The following PCDHGB3 variants were observed in gnomAD, a reference collection of about 807,000 sequenced individuals.
PCDHGB3 encodes protocadherin gamma subfamily B, 3.
PCDHGB3 carries 40 observed loss-of-function variants against 59.2 expected under a neutral mutation model. The observed-to-expected ratio is 0.68, with a 90% CI of 0.52 to 0.88. PCDHGB3 has a LOEUF of 0.88. Ranked by LOEUF, PCDHGB3 falls within the 40% of genes least tolerant of loss-of-function variation. PCDHGB3 has a pLI of 0.00. For synonymous variants in PCDHGB3, 581 were observed against 503.6 expected, an observed-to-expected ratio of 1.15 and a Z score of -2.06; for missense variants, 1,309 against 1,187.9, an observed-to-expected ratio of 1.10 and a Z score of -1.50.
rs779686795 is a variant in PCDHGB3, at chr5:141,476,566, G to A, written c.2416-18241G>A. On this transcript the variant is annotated intron_variant, in intron 1 of 3. Coordinates refer to ENST00000576222, the MANE Select transcript of PCDHGB3 (RefSeq NM_018924.5). The surrounding 1 kb of genome is among the most constrained non-coding windows in gnomAD (Gnocchi z 7.6). ...TGGAGATTAGCGAGGCCGTGGCTCC[G>A]GGGACGCGCTTTCCGCTCGAGAGCG... The A allele has an allele frequency of 1.2e-6, 2 of 1,614,062 alleles. No homozygotes were observed. Among genetic ancestry groups the A allele is most frequent in the East Asian group, 2.2e-5 (1 of 44,872 alleles).
At chr5:141,421,564 G>T (rs2096583836) in intron 1 of PCDHGB3, 2 of 1,613,864 alleles carry the variant, frequency 1.2e-6, no homozygotes, top group Admixed American at 3.3e-5. Flanking sequence ...TCTCGTGGAA[G>T]ACACCTTGAA....
In PCDHGB3 at chr5:141,511,829, G is replaced by A. The variant is rs1181369164; in HGVS notation, c.*656G>A. 1 of 156,774 alleles carries A rather than the reference G, an allele frequency of 6.4e-6. No individual in the cohort carries two copies. Among genetic ancestry groups the A allele is most frequent in the Non-Finnish European group, 1.4e-5 (1 of 70,652 alleles). The allele number at this position is 156,774 out of a possible 1,614,324, so 9.7% of individuals were successfully genotyped here. Reference sequence around the variant, plus strand: ...TACCAAGCCTCTTCCCAACGCCCTGGGGACCAGTCTTCTGTTTTGTTTTTC... The same window carrying A: ...TACCAAGCCTCTTCCCAACGCCCTGAGGACCAGTCTTCTGTTTTGTTTTTC... On this transcript the variant is annotated 3_prime_UTR_variant, in exon 4 of 4. Transcript: ENST00000576222.
rs868008554 is a variant in PCDHGB3, at chr5:141,431,417, C to T, written c.2415+58608C>T. 1 of 1,613,666 alleles carries T rather than the reference C, an allele frequency of 6.2e-7. No homozygotes were observed. Among genetic ancestry groups the T allele is most frequent in the South Asian group, 1.1e-5 (1 of 91,082 alleles). ...CCTTACGGCCTCCGACGGGGGCGAC[C>T]CGGTGCGCACAGGCACCGCGCGCAT... On this transcript the variant is annotated intron_variant, in intron 1 of 3. Transcript: ENST00000576222. This position sits in a 1 kb window ranked among gnomAD's most constrained non-coding sequence, Gnocchi z 4.8.
At chr5:141,389,635 A>G in intron 1 of PCDHGB3, 1 of 1,612,978 alleles carries the variant, frequency 6.2e-7, no homozygotes, top group Non-Finnish European at 8.5e-7. Flanking sequence ...GAGCCTGGCT[A>G]CTTGGTGACC....
chr5:141,384,953 A>G, intron 1 of PCDHGB3: 1 of 1,613,944 alleles, frequency 6.2e-7, no homozygotes, highest in Non-Finnish European at 8.5e-7. Context: ...GACGGTCCTT[A>G]CAACTATGAC....
chr5:141,436,080 T>C (rs755968267), intron 1 of PCDHGB3, among the ~76,000 whole-genome samples: 1 of 152,204 alleles, frequency 6.6e-6, no homozygotes, highest in Admixed American at 6.5e-5. Context: ...CAGTGTTCTA[T>C]AGGTAATATT....
At chr5:141,375,833 C>T (rs1269856662) in intron 1 of PCDHGB3, 2 of 1,614,034 alleles carry the variant, frequency 1.2e-6, no homozygotes, top group Non-Finnish European at 1.7e-6. Flanking sequence ...CTCCGCAGAG[C>T]CCGGCTACCT....
chr5:141,494,775 A>G (rs1202233200), intron 1 of PCDHGB3, 32 bp from the exon 2 acceptor site: 1 of 1,613,580 alleles, frequency 6.2e-7, no homozygotes. Flanking sequence ...TCTCACGGGT[A>G]CTCAGCCCCT....
At chr5:141,422,202 T>C (rs1272540004) in intron 1 of PCDHGB3, 1 of 1,561,656 alleles carries the variant, frequency 6.4e-7, no homozygotes, top group Admixed American at 2.0e-5. Flanking sequence ...GCCAAGATGG[T>C]GGAGGTCTCT....
chr5:141,460,848 C>T lies in PCDHGB3; in HGVS notation c.2416-33959C>T, dbSNP rs528601988. Among the ~76,000 whole-genome samples, 257 of 150,340 alleles carry T rather than the reference C, an allele frequency of 1.7e-3. 1 individual carries two copies. The highest frequency in any genetic ancestry group is 4.2e-3 in the Admixed American group (62 of 14,868). ...ACACTTAAAGTAATGGCCTCCAGTT[C>T]GATCCAAGTTGCTGCAAAGGACATT... is the stretch of plus-strand genomic sequence containing the variant. On this transcript the variant is annotated intron_variant, in intron 1 of 3. Transcript: ENST00000576222.
chr5:141,372,576 C>A lies in PCDHGB3; in HGVS notation c.2182C>A (p.Gln728Lys). The A allele has an allele frequency of 1.2e-6, 2 of 1,614,066 alleles. No individual in the cohort carries two copies. Reference protein sequence around the residue: ...SSRPATEGYFQPGVCFKTVPG... With the variant: ...SSRPATEGYFKPGVCFKTVPG... ...CAGACCCGCCACTGAGGGCTACTTT[C>A]AGCCTGGTGTCTGCTTCAAGACTGT... The change falls in exon 1 of 4, where the codon CAG becomes AAG. Residue 728 changes from glutamine to lysine, a missense_variant. Coordinates refer to ENST00000576222, the MANE Select transcript of PCDHGB3 (RefSeq NM_018924.5).
rs772637812 is a variant in PCDHGB3 at position 141,408,685 on chromosome 5, TATAAAC to T, written c.2415+35883_2415+35888del. On this transcript the variant is annotated intron_variant, in intron 1 of 3. Transcript: ENST00000576222. ...CGCTTGACCCTGCCACGGATCCTGA[TATAAAC>T]ATAAACTCAATTAAAGATTATAAGA... 8 of 1,613,994 alleles carry T rather than the reference TATAAAC, an allele frequency of 5.0e-6. No individual in the cohort carries two copies. The Admixed American group carries it at 1.0e-4, about 20-fold the overall frequency.
At chr5:141,420,230 A>G (rs758649822) in intron 1 of PCDHGB3, 3 of 1,601,528 alleles carry the variant, frequency 1.9e-6, no homozygotes, top group Admixed American at 1.7e-5. Flanking sequence ...ACTGGCTAGC[A>G]TTTTAACTCC....
chr5:141,386,303 T>A (rs938709302), intron 1 of PCDHGB3, among the ~76,000 whole-genome samples: 6 of 152,202 alleles, frequency 3.9e-5, no homozygotes, highest in Admixed American at 2.0e-4. Flanking sequence ...TTAGTAAAGC[T>A]CAGTATATCA....
chr5:141,415,893 A>G, intron 1 of PCDHGB3: 2 of 904,826 alleles, frequency 2.2e-6, no homozygotes, highest in Non-Finnish European at 3.0e-6. Flanking sequence ...GACAATTCCT[A>G]AGACAGACTT....
At chr5:141,418,233 A>T in intron 1 of PCDHGB3, 1 of 1,614,048 alleles carries the variant, frequency 6.2e-7, no homozygotes, top group Non-Finnish European at 8.5e-7. Flanking sequence ...GTGATTGAGG[A>T]TGTTAATGAC....
intron 1 of PCDHGB3, chr5:141,422,694 T>C: frequency 6.2e-7 from 1 of 1,603,912 alleles, no homozygotes; most frequent in Non-Finnish European, 8.5e-7. Context: ...CCCTGGTCAC[T>C]TACTCTCTGA....
At chr5:141,460,817 A>G (rs527681610) in intron 1 of PCDHGB3, among the ~76,000 whole-genome samples, 3 of 152,126 alleles carry the variant, frequency 2.0e-5, no homozygotes, top group South Asian at 2.1e-4. Context: ...ATGTATACAT[A>G]TATACACACT....
In PCDHGB3 at chr5:141,458,391, C is replaced by G. The variant is rs534396279; in HGVS notation, c.2416-36416C>G. 5.9e-5 allele frequency among the ~76,000 whole-genome samples: 9 copies of G among 152,126 alleles called. No homozygotes were observed. In the South Asian group the frequency reaches 1.0e-3, roughly 18 times the overall value. ...GGAGAAGAGAGAAGGAAGACGCTCCCCCTTGCAGAGACGGAGCGGGGGTTC... is the reference window on the plus strand; with the variant it reads ...GGAGAAGAGAGAAGGAAGACGCTCCGCCTTGCAGAGACGGAGCGGGGGTTC... On this transcript the variant is annotated intron_variant, in intron 1 of 3. Coordinates refer to ENST00000576222, the MANE Select transcript of PCDHGB3 (RefSeq NM_018924.5).
Sources: gnomAD v4.1 joint callset for allele counts (sites outside exome capture counted in the v4.1 genomes callset) on GRCh38, gnomAD v4.1.1 for gene constraint, Gnocchi (gnomAD v3.1) non-coding constraint, MANE v1.5 for transcripts, NCBI Gene and HGNC (gene_info 2026-07-23, HGNC 2026-07-21) for gene names.